XPO5: variants seen among roughly 807,000 people sequenced by gnomAD.
The protein encoded by XPO5 is exportin-5.
XPO5 carries 46 observed loss-of-function variants against 160.6 expected under a neutral mutation model. The observed-to-expected ratio is 0.29, with a 90% confidence interval of 0.23 to 0.37. XPO5 has a LOEUF of 0.37. Among genes scored for constraint, XPO5 ranks in the 10% least tolerant of loss-of-function variants. The probability of loss-of-function intolerance (pLI) is 1.00; values close to 1 mark genes in which losing one functional copy is unlikely to be tolerated. For missense variants in XPO5, 1,090 were observed against 1,463.9 expected (o/e 0.74, Z 4.17); for synonymous variants, 537 against 519.3 (o/e 1.03, Z -0.46).
At position 43,576,006 on chromosome 6, in the gene XPO5, A is replaced by G. The variant is rs1763307281; in HGVS notation, c.-142T>C. On this transcript the variant is annotated 5_prime_UTR_variant, in exon 1 of 32. Coordinates refer to ENST00000265351, the MANE Select transcript of XPO5 (RefSeq NM_020750.3). Reference sequence around the variant, plus strand: ...AAGCTGGAGGAGGAGCGTTAGCAGCAACTCGCGCTGGGAAGAAGCCGGCGC... The same window carrying G: ...AAGCTGGAGGAGGAGCGTTAGCAGCGACTCGCGCTGGGAAGAAGCCGGCGC... 15 of 708,462 alleles carry G rather than the reference A, an allele frequency of 2.1e-5. No individual in the cohort carries two copies. The South Asian group carries it at 2.4e-4, about 11-fold the overall frequency. 43.9% of individuals were successfully genotyped at this position (708,462 alleles called of 1,614,324 possible). A position where few individuals can be genotyped will look rare whatever the true frequency, so the allele number is the denominator to read the frequency against.
Position 43,558,555 on chromosome 6 carries a change from C to A in XPO5, c.1258G>T (p.Glu420Ter). 1 of 1,602,984 alleles carries A rather than the reference C, an allele frequency of 6.2e-7. No individual in the cohort carries two copies. Among genetic ancestry groups the A allele is most frequent in the Non-Finnish European group, 8.5e-7 (1 of 1,174,934 alleles). ...FPSKTDSPSC[E>*]YSRFDFDSDE... ...CTATCAAAATCAAACCGAGAATATTCACAGCTAGGGCTGTCTGTTTTAGAA... is the reference window on the plus strand; with the variant it reads ...CTATCAAAATCAAACCGAGAATATTAACAGCTAGGGCTGTCTGTTTTAGAA... The change falls in exon 12 of 32, where the codon GAA becomes TAA. Residue 420 changes from glutamate to a stop codon, truncating the protein, a stop_gained. Transcript: ENST00000265351. LOFTEE classifies it high-confidence loss of function.
Position 43,522,677 on chromosome 6 carries a change from T to C in XPO5, c.*1191A>G, listed in dbSNP as rs750062649. ...CCTGTGGCCCGCACCAGCTAAAAACTGTAGCTTCAGTCCACTTCGGCTCTC... is the reference window on the plus strand; with the variant it reads ...CCTGTGGCCCGCACCAGCTAAAAACCGTAGCTTCAGTCCACTTCGGCTCTC... On this transcript the variant is annotated 3_prime_UTR_variant, in exon 32 of 32. Transcript: ENST00000265351. 2.1e-5 allele frequency: 10 copies of C among 485,676 alleles called. No individual in the cohort carries two copies. The highest frequency in any genetic ancestry group is 3.5e-5 in the Non-Finnish European group (8 of 230,960). The allele number at this position is 485,676 out of a possible 1,614,324, so 30.1% of individuals were successfully genotyped here. A position where few individuals can be genotyped will look rare whatever the true frequency, so the allele number is the denominator to read the frequency against.
chr6:43,528,801 G>C, intron 24 of XPO5, 27 bp downstream of exon 24: 2 of 1,604,248 alleles, frequency 1.2e-6, no homozygotes, highest in Non-Finnish European at 1.7e-6. Context: ...AGTACTCTTT[G>C]CTTCCTGTTC....
chr6:43,554,281 T>C (rs1372266198), intron 13 of XPO5, among the ~76,000 whole-genome samples: 1 of 143,596 alleles, frequency 7.0e-6, no homozygotes, highest in Non-Finnish European at 1.5e-5. Context: ...AATTTTTGTA[T>C]TTTTTTTTTT....
chr6:43,527,364 C>T (rs543828122), intron 26 of XPO5: 12 of 284,112 alleles, frequency 4.2e-5, no homozygotes, highest in Non-Finnish European at 6.7e-5. Flanking sequence ...CTCCGCCTCC[C>T]GGGTTCAAGC....
intron 15 of XPO5, 67 bp from the exon 16 acceptor site, chr6:43,550,001 G>T: frequency 6.5e-7 from 1 of 1,529,552 alleles, no homozygotes; most frequent in Non-Finnish European, 9.0e-7. Flanking sequence ...TTGCTATGTT[G>T]CCCAGACTAG....
chr6:43,565,602 A>G, intron 8 of XPO5, 58 bp downstream of exon 8: 1 of 1,434,724 alleles, frequency 7.0e-7, no homozygotes, highest in Non-Finnish European at 9.4e-7. Flanking sequence ...ATAAATCCAA[A>G]TAAGATAGAA....
In XPO5 at chr6:43,562,248, A is replaced by T; in HGVS notation, c.1010T>A (p.Leu337Gln). Residue 337 changes from leucine (L) to glutamine (Q), a missense_variant and splice_region_variant, in exon 9 of 32, where the codon CTG becomes CAG. Leu to Gln is a moderately radical substitution (Grantham distance 113). Transcript: ENST00000265351. ...CALGNQLCAL[L>Q]GADSDVETPS... The stretch of plus-strand genomic sequence containing the variant: ...TCCAGAAAGCAAACACTAGCTCACC[A>T]GCAATGCACACAGCTGATTGCCCAG... 1 of 1,603,664 alleles carries T rather than the reference A, an allele frequency of 6.2e-7. No individual in the cohort carries two copies. Among genetic ancestry groups the T allele is most frequent in the Non-Finnish European group, 8.5e-7 (1 of 1,175,214 alleles).
chr6:43,539,496 C>A (rs1054820883), intron 20 of XPO5: 10 of 1,570,184 alleles, frequency 6.4e-6, no homozygotes, highest in Middle Eastern at 1.9e-4. Context: ...ATGTCCTTGA[C>A]CAAGCGGCCC....
chr6:43,544,998 G>T (rs966127010), intron 20 of XPO5, among the ~76,000 whole-genome samples: 12 of 151,980 alleles, frequency 7.9e-5, no homozygotes, highest in African/African-American at 2.7e-4. Context: ...TCAGCCTCTC[G>T]AGTAGCTGGG....
intron 6 of XPO5, among the ~76,000 whole-genome samples, chr6:43,568,149 A>C (rs1196796323): frequency 1.3e-5 from 2 of 151,816 alleles, no homozygotes; most frequent in Non-Finnish European, 2.9e-5. Flanking sequence ...TCTACTAAAA[A>C]TACAAAAAAT....
chr6:43,548,269 G>A lies in XPO5; in HGVS notation c.2052C>T (p.Asp684=), dbSNP rs934801880. The A allele has an allele frequency of 4.3e-6, 7 of 1,609,518 alleles. No homozygotes were observed. Among genetic ancestry groups the A allele is most frequent in the Non-Finnish European group, 5.9e-6 (7 of 1,177,382 alleles). Residue 684 remains aspartate, a synonymous_variant, in exon 18 of 32, where the codon GAC becomes GAT. Coordinates refer to ENST00000265351, the MANE Select transcript of XPO5 (RefSeq NM_020750.3). ...CAAGGGATCTCCTTTACCTGTGCAT[G>A]TCTTGAGAAAGCCAGATGCTGGCCA... ...APVASIWLSQ[D]MHRVLSDVDA...
chr6:43,538,356 G>A (rs961875275), intron 20 of XPO5, among the ~76,000 whole-genome samples: 1 of 151,650 alleles, frequency 6.6e-6, no homozygotes, highest in African/African-American at 2.4e-5. Flanking sequence ...TTGTCATGTT[G>A]GCCAGGTTGG....
At chr6:43,527,363 C>A in intron 26 of XPO5, 1 of 284,704 alleles carries the variant, frequency 3.5e-6, no homozygotes, top group Non-Finnish European at 6.7e-6. Context: ...CCTCCGCCTC[C>A]CGGGTTCAAG....
At chr6:43,527,988 T>C (rs1793708001) in intron 25 of XPO5, among the ~76,000 whole-genome samples, 171 bp downstream of exon 25, 1 of 152,234 alleles carries the variant, frequency 6.6e-6, no homozygotes, top group African/African-American at 2.4e-5. Flanking sequence ...TCTCAGAGTC[T>C]GCCTGCTGGT....
At chr6:43,528,641 A>G (rs1320171991) in intron 24 of XPO5, among the ~76,000 whole-genome samples, 187 bp downstream of exon 24, 4 of 152,122 alleles carry the variant, frequency 2.6e-5, no homozygotes, top group East Asian at 1.9e-4. Flanking sequence ...TGGCAATTAA[A>G]TCAGTTTAGT....
At chr6:43,525,534 G>A in intron 28 of XPO5, 1 of 507,246 alleles carries the variant, frequency 2.0e-6, no homozygotes, top group South Asian at 2.8e-5. Flanking sequence ...AAATCAAAAT[G>A]TGAGAAAACC....
rs1425780692 is a variant in XPO5 at position 43,523,909 on chromosome 6, C to G, written c.3574G>C (p.Asp1192His). ...GTGGCCAGGCCACCCCCATCATTGT[C>G]CAGCACCTCCGTCTCCAGCATTGGC... is the stretch of plus-strand genomic sequence containing the variant. Reference protein sequence around the residue: ...TKPMLETEVLDNDGGGLATIF... With the variant: ...TKPMLETEVLHNDGGGLATIF... The change falls in exon 32 of 32, where the codon GAC (aspartate) becomes CAC (histidine). Residue 1192 changes from aspartate (D) to histidine (H), a missense_variant. By Grantham distance (81) the Asp-to-His change is moderately conservative. This residue lies in a region of XPO5 where 810 missense variants were observed against 1,139.0 expected (regional missense o/e 0.71). Transcript: ENST00000265351. 1 of 1,613,910 alleles carries G rather than the reference C, an allele frequency of 6.2e-7. No homozygotes were observed. The highest frequency in any genetic ancestry group is 1.3e-5 in the African/African-American group (1 of 74,936).
chr6:43,541,231 T>C (rs1275294188), intron 20 of XPO5, among the ~76,000 whole-genome samples: 1 of 152,198 alleles, frequency 6.6e-6, no homozygotes, highest in Non-Finnish European at 1.5e-5. Context: ...ATTTTGATTG[T>C]ACATTTAAAA....
Sources: allele counts gnomAD v4.1 joint callset (sites outside exome capture counted in the v4.1 genomes callset), GRCh38; gene constraint gnomAD v4.1.1; regional missense constraint gnomAD v4.1.1; transcripts MANE v1.5; gene names NCBI Gene and HGNC (gene_info 2026-07-23, HGNC 2026-07-21).